Variants in GPC5 observed in about 807,000 individuals in gnomAD.
GPC5 encodes the protein glypican 5.
Under a neutral mutation model 53.9 loss-of-function variants are expected in GPC5, and 47 were observed. The ratio of observed to expected loss-of-function variants is 0.87; its 90% CI spans 0.69 to 1.11. The LOEUF (loss-of-function observed/expected upper bound fraction) is 1.11. GPC5 is among the 50% of genes most tolerant of loss of function. GPC5 has a pLI of 0.00. For missense variants in GPC5, 748 were observed against 713.1 expected (o/e 1.05, Z -0.56); for synonymous variants, 286 against 263.3 (o/e 1.09, Z -0.84).
intron 7 of GPC5, among the ~76,000 whole-genome samples, chr13:92,315,492 C>T (rs543862572): frequency 6.6e-6 from 1 of 152,308 alleles, no homozygotes; most frequent in South Asian, 2.1e-4. Flanking sequence ...CCAATCATTT[C>T]TGCCTGTTGA....
intron 7 of GPC5, among the ~76,000 whole-genome samples, chr13:92,699,678 G>A (rs529537969): frequency 6.6e-6 from 1 of 152,006 alleles, no homozygotes; most frequent in Non-Finnish European, 1.5e-5. Context: ...CCTTCATTTC[G>A]TTATTTTCCC....
At chr13:92,349,386 T>C (rs2043455551) in intron 7 of GPC5, among the ~76,000 whole-genome samples, 1 of 151,854 alleles carries the variant, frequency 6.6e-6, no homozygotes, top group Non-Finnish European at 1.5e-5. Flanking sequence ...CTCAGGTGAT[T>C]TGCCCGCCTT....
intron 2 of GPC5, among the ~76,000 whole-genome samples, chr13:91,573,376 C>A (rs952111584): frequency 2.0e-5 from 3 of 152,160 alleles, no homozygotes; most frequent in South Asian, 2.1e-4. Context: ...GAGAATCGAT[C>A]ATTTCTTGTG....
At chr13:92,660,984 T>C (rs1375777989) in intron 7 of GPC5, among the ~76,000 whole-genome samples, 1 of 152,040 alleles carries the variant, frequency 6.6e-6, no homozygotes, top group African/African-American at 2.4e-5. Context: ...ATTTTCACCA[T>C]CCACTTAAAA....
intron 7 of GPC5, among the ~76,000 whole-genome samples, chr13:92,289,692 A>G (rs932538830): frequency 1.3e-5 from 2 of 152,020 alleles, no homozygotes; most frequent in African/African-American, 4.8e-5. Flanking sequence ...CTTCACCACT[A>G]ACTTTTCTCA....
In GPC5 at chr13:92,533,491, T is replaced by C. The variant is rs564102958; in HGVS notation, c.1562-332791T>C. Among the ~76,000 whole-genome samples the C allele has an allele frequency of 8.6e-4, 131 of 152,310 alleles. 3 individuals carry two copies. Among genetic ancestry groups the C allele is most frequent in the African/African-American group, 2.9e-3 (121 of 41,582 alleles). The stretch of plus-strand genomic sequence containing the variant: ...GTATTGAAGGAAAGAAGCTAACATA[T>C]TATGCTGAAACCCGTATAATATAGC... On this transcript the variant is annotated intron_variant, in intron 7 of 7. Coordinates refer to ENST00000377067, the MANE Select transcript of GPC5 (RefSeq NM_004466.6).
chr13:91,857,777 T>C (rs1025082755), intron 5 of GPC5, among the ~76,000 whole-genome samples: 4 of 151,414 alleles, frequency 2.6e-5, no homozygotes, highest in Non-Finnish European at 5.9e-5. Context: ...TTTTCTCTAA[T>C]ATATTAAAAA....
chr13:92,242,356 A>G (rs1479648047), intron 7 of GPC5, among the ~76,000 whole-genome samples: 1 of 152,104 alleles, frequency 6.6e-6, no homozygotes, highest in Non-Finnish European at 1.5e-5. Flanking sequence ...TGACCATAGT[A>G]TCAGTGTCAA....
chr13:92,579,829 A>C (rs1419452206), intron 7 of GPC5, among the ~76,000 whole-genome samples: 1 of 151,916 alleles, frequency 6.6e-6, no homozygotes, highest in Non-Finnish European at 1.5e-5. Context: ...CACATCCTAT[A>C]AGGTTTCTCT....
At chr13:92,615,961 G>A (rs1448871333) in intron 7 of GPC5, among the ~76,000 whole-genome samples, 1 of 152,160 alleles carries the variant, frequency 6.6e-6, no homozygotes, top group African/African-American at 2.4e-5. Flanking sequence ...GGCTGAGGCA[G>A]GAGAATGGCG....
At chr13:92,336,976 T>G (rs2139242647) in intron 7 of GPC5, among the ~76,000 whole-genome samples, 1 of 152,208 alleles carries the variant, frequency 6.6e-6, no homozygotes, top group South Asian at 2.1e-4. Context: ...CTCATGAGAC[T>G]TATTCACTAT....
chr13:92,336,346 A>G (rs924804148), intron 7 of GPC5, among the ~76,000 whole-genome samples: 1 of 152,238 alleles, frequency 6.6e-6, no homozygotes, highest in African/African-American at 2.4e-5. Context: ...AGTGAATTAA[A>G]TATATTTATG....
At chr13:91,680,008 T>C (rs949796667) in intron 2 of GPC5, among the ~76,000 whole-genome samples, 4 of 152,294 alleles carry the variant, frequency 2.6e-5, no homozygotes, top group Non-Finnish European at 5.9e-5. Flanking sequence ...GCAAACATTT[T>C]CTTAAAATTG....
chr13:92,026,308 A>C (rs1230945957), intron 6 of GPC5, among the ~76,000 whole-genome samples: 4 of 151,982 alleles, frequency 2.6e-5, no homozygotes, highest in African/African-American at 9.7e-5. Flanking sequence ...TATATGTATT[A>C]GATTATAAAT....
intron 7 of GPC5, among the ~76,000 whole-genome samples, chr13:92,345,054 A>G (rs2043399022): frequency 6.6e-6 from 1 of 152,224 alleles, no homozygotes; most frequent in African/African-American, 2.4e-5. Context: ...CTAGCATAAT[A>G]AAAATACAAC....
chr13:91,861,114 A>G (rs1461346295), intron 5 of GPC5, among the ~76,000 whole-genome samples: 1 of 152,158 alleles, frequency 6.6e-6, no homozygotes, highest in Non-Finnish European at 1.5e-5. Flanking sequence ...AATCCGTTTA[A>G]ACTTACTCTT....
At chr13:92,533,955 A>G (rs1566280169) in intron 7 of GPC5, among the ~76,000 whole-genome samples, 1 of 152,140 alleles carries the variant, frequency 6.6e-6, no homozygotes, top group Non-Finnish European at 1.5e-5. Flanking sequence ...TTCATAACAA[A>G]GCCTTTTCCT....
chr13:92,517,531 G>A (rs557736105), intron 7 of GPC5, among the ~76,000 whole-genome samples: 7 of 152,200 alleles, frequency 4.6e-5, no homozygotes, highest in South Asian at 2.1e-4. Flanking sequence ...TGTTATATTC[G>A]CTGTTCTGCA....
intron 6 of GPC5, among the ~76,000 whole-genome samples, chr13:92,011,777 T>G (rs1373436952): frequency 3.3e-5 from 5 of 152,232 alleles, no homozygotes; most frequent in African/African-American, 1.2e-4. Flanking sequence ...AGTAATAAAA[T>G]GCTTATCAGT....
Sources: allele counts gnomAD v4.1 joint callset (sites outside exome capture counted in the v4.1 genomes callset), GRCh38; gene constraint gnomAD v4.1.1; transcripts MANE v1.5; gene names NCBI Gene and HGNC (gene_info 2026-07-23, HGNC 2026-07-21).